NRXN1: variants seen among roughly 807,000 people sequenced by gnomAD.
The protein encoded by NRXN1 is neurexin-1.
A neutral mutation model predicts 150.9 loss-of-function variants in NRXN1; 39 were observed. That is an observed-to-expected ratio of 0.26 (90% CI 0.20 to 0.34). NRXN1 has a LOEUF of 0.34. NRXN1 is among the 10% of genes least tolerant of loss of function. The probability of loss-of-function intolerance (pLI) is 1.00; values close to 1 mark genes in which losing one functional copy is unlikely to be tolerated. For synonymous variants in NRXN1, 924 were observed against 757.0 expected, an observed-to-expected ratio of 1.22 and a Z score of -3.62; for missense variants, 1,815 against 1,949.9, an observed-to-expected ratio of 0.93 and a Z score of 1.30.
At position 50,369,004 on chromosome 2, in the gene NRXN1, C is replaced by T. The variant is rs181827376; in HGVS notation, c.3364+96438G>A. On this transcript the variant is annotated intron_variant, in intron 17 of 22. Transcript: ENST00000401669. ...CAGCCAAGAAAACAGAGTAAATTCA[C>T]ATGTAAGAGTGGAAGGGAAGGAGCA... Among the ~76,000 whole-genome samples the T allele has an allele frequency of 1.1e-3, 173 of 152,012 alleles. 1 individual carries two copies. Among genetic ancestry groups the T allele is most frequent in the Non-Finnish European group, 1.4e-3 (98 of 67,906 alleles).
At chr2:50,205,748 A>G (rs181877151) in intron 18 of NRXN1, among the ~76,000 whole-genome samples, 1 of 152,280 alleles carries the variant, frequency 6.6e-6, no homozygotes, top group African/African-American at 2.4e-5. Flanking sequence ...CAGTATATTC[A>G]TACAATGGAA....
intron 18 of NRXN1, among the ~76,000 whole-genome samples, chr2:50,136,815 A>G (rs1267036200): frequency 1.3e-5 from 2 of 152,240 alleles, no homozygotes; most frequent in East Asian, 3.8e-4. Flanking sequence ...CCAATTAATA[A>G]GATGAGAAAC....
chr2:50,075,367 T>A (rs899396007), intron 19 of NRXN1, among the ~76,000 whole-genome samples: 4 of 152,210 alleles, frequency 2.6e-5, no homozygotes, highest in African/African-American at 9.7e-5. Context: ...ATATTTATTG[T>A]TTATAGCTGA....
intron 22 of NRXN1, among the ~76,000 whole-genome samples, chr2:49,941,570 T>C (rs1446638278): frequency 2.0e-5 from 3 of 152,056 alleles, no homozygotes; most frequent in African/African-American, 7.2e-5. Context: ...GTTACTGTGA[T>C]TCACTAGGTA....
intron 2 of NRXN1, among the ~76,000 whole-genome samples, chr2:50,987,304 T>G (rs982698898): frequency 1.3e-5 from 2 of 151,934 alleles, no homozygotes; most frequent in Non-Finnish European, 2.9e-5. Context: ...AAATAAAGAT[T>G]GCACCCCACA....
intron 15 of NRXN1, among the ~76,000 whole-genome samples, chr2:50,482,680 G>A (rs1478050308): frequency 9.9e-5 from 15 of 152,112 alleles, no homozygotes; most frequent in Non-Finnish European, 2.2e-4. Flanking sequence ...GGTAAAATAA[G>A]ACTGAGACCT....
At chr2:50,583,730 C>A (rs986383510) in intron 8 of NRXN1, among the ~76,000 whole-genome samples, 4 of 152,194 alleles carry the variant, frequency 2.6e-5, no homozygotes, top group Non-Finnish European at 4.4e-5. Context: ...TTCCTTCTCC[C>A]AATCTAGAAT....
intron 17 of NRXN1, among the ~76,000 whole-genome samples, chr2:50,441,092 C>T (rs115721819): frequency 0.051 from 7,801 of 152,152 alleles, 245 homozygotes; most frequent in African/African-American, 0.074. Flanking sequence ...GTATTTGATG[C>T]CTTTTCTTCT....
chr2:50,927,499 T>C (rs1687081103), intron 2 of NRXN1, among the ~76,000 whole-genome samples: 2 of 152,072 alleles, frequency 1.3e-5, no homozygotes, highest in African/African-American at 4.8e-5. Context: ...GGACTGCCAA[T>C]TTATTAAACA....
chr2:50,965,530 A>C lies in NRXN1; in HGVS notation c.773-39575T>G, dbSNP rs574035122. On this transcript the variant is annotated intron_variant, in intron 2 of 22. Coordinates refer to ENST00000401669, the MANE Select transcript of NRXN1 (RefSeq NM_001330078.2). ...AACAAAATAATGTTATTAAAACTTA[A>C]ATACTTAACATGTAATTTAGAATAA... Among the ~76,000 whole-genome samples the C allele has an allele frequency of 4.6e-5, 7 of 151,706 alleles. No homozygotes were observed. In the South Asian group the frequency reaches 1.0e-3, roughly 22 times the overall value.
At chr2:50,898,067 C>T (rs1320435884) in intron 5 of NRXN1, among the ~76,000 whole-genome samples, 1 of 152,094 alleles carries the variant, frequency 6.6e-6, no homozygotes, top group Non-Finnish European at 1.5e-5. Context: ...CCAGATATTT[C>T]TTGAATTGCA....
intron 18 of NRXN1, among the ~76,000 whole-genome samples, chr2:50,179,712 C>T (rs79963566): frequency 0.023 from 3,430 of 152,132 alleles, 130 homozygotes; most frequent in African/African-American, 0.078. Flanking sequence ...TAAATTGTTA[C>T]CCTTTTTTAT....
intron 18 of NRXN1, among the ~76,000 whole-genome samples, chr2:50,187,576 C>T (rs1367282765): frequency 1.3e-5 from 2 of 151,964 alleles, no homozygotes; most frequent in African/African-American, 4.8e-5. Context: ...ATAAGGAGCT[C>T]TTTTTTGGAT....
chr2:51,028,840 A>C lies in NRXN1; in HGVS notation c.-567T>G, dbSNP rs1251374693. 3 of 152,360 alleles carry C rather than the reference A, an allele frequency of 2.0e-5. No homozygotes were observed. The highest frequency in any genetic ancestry group is 2.0e-4 in the Admixed American group (3 of 15,296). 9.4% of individuals were successfully genotyped at this position (152,360 alleles called of 1,614,324 possible). ...TCCTTCAGATGTGGTGTCTTACAGC[A>C]GAACGGAGAAAGGGATGCTTGCCTC... On this transcript the variant is annotated 5_prime_UTR_variant, in exon 2 of 23. Coordinates refer to ENST00000401669, the MANE Select transcript of NRXN1 (RefSeq NM_001330078.2).
At chr2:50,106,139 T>C (rs1701607813) in intron 18 of NRXN1, among the ~76,000 whole-genome samples, 1 of 151,994 alleles carries the variant, frequency 6.6e-6, no homozygotes, top group African/African-American at 2.4e-5. Flanking sequence ...AGTTTTCTAC[T>C]TATAATTTGT....
chr2:50,331,121 A>C (rs544714046), intron 17 of NRXN1, among the ~76,000 whole-genome samples: 1 of 152,270 alleles, frequency 6.6e-6, no homozygotes, highest in African/African-American at 2.4e-5. Flanking sequence ...ATGTTGAAAA[A>C]CCACAAACAT....
chr2:50,218,241 C>T (rs959372020), intron 18 of NRXN1, among the ~76,000 whole-genome samples: 2 of 152,104 alleles, frequency 1.3e-5, no homozygotes, highest in South Asian at 4.1e-4. Flanking sequence ...CATTTCTATC[C>T]CAAGAAGCTA....
chr2:49,933,145 G>A lies in NRXN1; in HGVS notation c.4216+10559C>T, dbSNP rs1670424787. On this transcript the variant is annotated intron_variant, in intron 22 of 22. Transcript: ENST00000401669. ...TCTGTCGCCCAGGCTGGAGCACAGT[G>A]GCGCGGTCTCAGCTCACTGCAAGCT... 2.0e-5 allele frequency among the ~76,000 whole-genome samples: 3 copies of A among 152,040 alleles called. No individual in the cohort carries two copies. The South Asian group carries it at 6.2e-4, about 32-fold the overall frequency.
At chr2:50,089,665 C>CT (rs1482763644) in intron 19 of NRXN1, among the ~76,000 whole-genome samples, 1 of 151,742 alleles carries the variant, frequency 6.6e-6, no homozygotes, top group Non-Finnish European at 1.5e-5. Context: ...TGGTGTGCAC[C>CT]TGTAGTCCTA....
Sources: allele counts gnomAD v4.1 joint callset (sites outside exome capture counted in the v4.1 genomes callset), GRCh38; gene constraint gnomAD v4.1.1; transcripts MANE v1.5; gene names NCBI Gene and HGNC (gene_info 2026-07-23, HGNC 2026-07-21).